Variants in PHF23 observed in about 807,000 individuals in gnomAD.
The protein encoded by PHF23 is PHD finger protein 23, also known as PDH-containing protein JUNE-1.
PHF23 carries 3 observed loss-of-function variants against 36.0 expected under a neutral mutation model. The observed-to-expected ratio is 0.08, with a 90% CI of 0.04 to 0.22. PHF23 has a LOEUF of 0.22. Among genes scored for constraint, PHF23 ranks in the 10% least tolerant of loss-of-function variants. PHF23 has a pLI of 1.00. For missense variants in PHF23, 475 were observed against 513.6 expected (o/e 0.92, Z 0.73); for synonymous variants, 242 against 192.5 (o/e 1.26, Z -2.13).
upstream of PHF23, chr17:7,239,558 C>T (rs551729415): frequency 6.5e-5 from 23 of 355,928 alleles, no homozygotes; most frequent in Admixed American, 2.3e-4. Context: ...CTCCCTCCTC[C>T]CCCCGCCGGC....
chr17:7,237,254 C>T (rs1029581241), intron 3 of PHF23, 131 bp downstream of exon 3: 1 of 852,820 alleles, frequency 1.2e-6, no homozygotes, highest in East Asian at 2.4e-5. Context: ...CCCTAAGAGT[C>T]TCCAACTTCC....
At chr17:7,237,800 ATCCGCCCCGGCTCCCCCT>A (rs1418791401) in intron 1 of PHF23, 140 bp from the exon 2 acceptor site, 7 of 985,532 alleles carry the variant, frequency 7.1e-6, no homozygotes, top group Non-Finnish European at 7.6e-6. Flanking sequence ...GCTGTGTTGG[ATCCGCCCCGGCTCCCCCT>A]TCCGCCCCGC....
intron 1 of PHF23, chr17:7,238,356 C>T: frequency 6.3e-6 from 1 of 157,882 alleles, no homozygotes. Flanking sequence ...GGGGCTTTGG[C>T]CCCTCCCCGT....
Position 7,236,575 on chromosome 17 carries a change from G to T in PHF23, c.352C>A (p.Arg118Ser), listed in dbSNP as rs767213271. 6.2e-7 allele frequency: 1 copy of T among 1,614,200 alleles called. No homozygotes were observed. Residue 118 changes from arginine (R) to serine (S), a missense_variant, in exon 4 of 5, where the codon CGT becomes AGT. Around this residue, in one of 5 missense-constraint regions of PHF23, gnomAD observed 350 missense variants for 319.8 expected, o/e 1.09. Transcript: ENST00000320316. The surrounding 1 kb of genome is among the most constrained non-coding windows in gnomAD (Gnocchi z 5.1). ...GTAGCACTGTCGGGGGCCTGCAGAC[G>T]AGAGAAAGTGGACCTTGGGGGTCCT... ...QPGPPRSTFS[R>S]LQAPDSATLL...
rs369484977 is a variant in PHF23, at chr17:7,237,524, G to C, written c.67-47C>G. Reference sequence around the variant, plus strand: ...TCACATGCAAAGCCACACAGTTTAAGAATGGCATTCCCAGAAACACAGTCC... The same window carrying C: ...TCACATGCAAAGCCACACAGTTTAACAATGGCATTCCCAGAAACACAGTCC... On this transcript the variant is annotated intron_variant, in intron 2 of 4. Coordinates refer to ENST00000320316, the MANE Select transcript of PHF23 (RefSeq NM_024297.3). 7.5e-6 allele frequency: 12 copies of C among 1,607,300 alleles called. No homozygotes were observed. The South Asian group carries it at 1.1e-4, about 15-fold the overall frequency.
chr17:7,237,538 G>A (rs778255941), intron 2 of PHF23, 61 bp from the exon 3 acceptor site: 1 of 1,593,626 alleles, frequency 6.3e-7, no homozygotes, highest in African/African-American at 1.3e-5. Flanking sequence ...GGCATTCCCA[G>A]AAACACAGTC....
chr17:7,238,046 T>G, intron 1 of PHF23: 3 of 196,380 alleles, frequency 1.5e-5, no homozygotes, highest in Non-Finnish European at 2.9e-5. Flanking sequence ...GAGCCCCGAG[T>G]TCCTACCCGG....
chr17:7,237,300 A>G, intron 3 of PHF23, 85 bp downstream of exon 3: 2 of 1,196,180 alleles, frequency 1.7e-6, no homozygotes, highest in East Asian at 2.3e-5. Context: ...GCCTCCTTCT[A>G]TAAAGCAATA....
Position 7,236,810 on chromosome 17 carries a change from C to A in PHF23, c.160-43G>T. On this transcript the variant is annotated intron_variant, in intron 3 of 4. Coordinates refer to ENST00000320316, the MANE Select transcript of PHF23 (RefSeq NM_024297.3). The surrounding 1 kb of genome is among the most constrained non-coding windows in gnomAD (Gnocchi z 5.1). ...ACCAGGGTCAGCAGAACCCCAGTGT[C>A]ATCTCAGCCCCTCCACAAACCCAGC... The A allele has an allele frequency of 1.3e-6, 2 of 1,554,174 alleles. No homozygotes were observed. Among genetic ancestry groups the A allele is most frequent in the South Asian group, 1.2e-5 (1 of 82,062 alleles).
intron 1 of PHF23, 173 bp downstream of exon 1, chr17:7,239,073 A>G (rs1453240149): frequency 7.6e-6 from 9 of 1,178,318 alleles, no homozygotes; most frequent in African/African-American, 1.6e-5. Flanking sequence ...CCAGTTTCCC[A>G]CTCCTCTTTC....
intron 2 of PHF23, 50 bp downstream of exon 2, chr17:7,237,579 G>C (rs1390704135): frequency 6.2e-7 from 1 of 1,611,490 alleles, no homozygotes; most frequent in Non-Finnish European, 8.5e-7. Flanking sequence ...GGGGGGCGGG[G>C]GGCGTTGTCA....
At position 7,235,475 on chromosome 17, in the gene PHF23, G is replaced by A; in HGVS notation, c.*151C>T. On this transcript the variant is annotated 3_prime_UTR_variant, in exon 5 of 5. Coordinates refer to ENST00000320316, the MANE Select transcript of PHF23 (RefSeq NM_024297.3). ...TGGGGAGGAAGGATAGGGTGGGAAA[G>A]TGAGACACTCATTTTCAAACAAGTC... 2 of 784,612 alleles carry A rather than the reference G, an allele frequency of 2.5e-6. No homozygotes were observed. Among genetic ancestry groups the A allele is most frequent in the African/African-American group, 1.7e-5 (1 of 57,884 alleles). 48.6% of individuals were successfully genotyped at this position (784,612 alleles called of 1,614,324 possible).
chr17:7,236,144 CTCTTCTTCT>C lies in PHF23; in HGVS notation c.774_782del (p.Glu259_Glu261del), dbSNP rs759574171. The C allele has an allele frequency of 3.7e-6, 6 of 1,610,288 alleles. No individual in the cohort carries two copies. The South Asian group carries it at 6.6e-5, about 18-fold the overall frequency. The stretch of plus-strand genomic sequence containing the variant: ...CTTCACCCCCTACCACTGTTGCCAT[CTCTTCTTCT>C]TCTTCCTCTTCCTCCTCTTCCTCCT... On this transcript the variant is annotated inframe_deletion, in exon 4 of 5. Transcript: ENST00000320316. This position sits in a 1 kb window ranked among gnomAD's most constrained non-coding sequence, Gnocchi z 5.1.
intron 1 of PHF23, 170 bp from the exon 2 acceptor site, chr17:7,237,830 A>C (rs1484636412): frequency 5.4e-6 from 4 of 740,738 alleles, no homozygotes; most frequent in Non-Finnish European, 8.7e-6. Flanking sequence ...CCGCCCCGCG[A>C]GGGGCGGAGC....
At chr17:7,238,524 C>G in intron 1 of PHF23, 1 of 1,049,294 alleles carries the variant, frequency 9.5e-7, no homozygotes, top group Non-Finnish European at 1.2e-6. Context: ...CTCTCTCTCT[C>G]TCCACAGCAG....
Position 7,235,566 on chromosome 17 carries a change from C to T in PHF23, c.*60G>A, listed in dbSNP as rs2071639752. On this transcript the variant is annotated 3_prime_UTR_variant, in exon 5 of 5. Transcript: ENST00000320316. ...AGCTCCAGGGGATAGGCTGAGGACC[C>T]TGAGGCTCAGTTCCCAAATCATGTT... is the stretch of plus-strand genomic sequence containing the variant. 14 of 1,564,740 alleles carry T rather than the reference C, an allele frequency of 8.9e-6. No individual in the cohort carries two copies. In the Admixed American group the frequency reaches 2.2e-4, roughly 24 times the overall value.
chr17:7,240,593 C>T (rs1597569626), upstream of PHF23: 1 of 427,206 alleles, frequency 2.3e-6, no homozygotes, highest in Non-Finnish European at 4.2e-6. Context: ...GGATGTGACA[C>T]AGACTGACAA....
upstream of PHF23, chr17:7,239,808 T>G (rs1267709824): frequency 1.3e-5 from 2 of 152,480 alleles, no homozygotes; most frequent in Non-Finnish European, 2.9e-5. Context: ...GAAGAAGGGA[T>G]TAGAACTCTC....
Position 7,237,378 on chromosome 17 carries a change from C to A in PHF23, c.159+7G>T. The stretch of plus-strand genomic sequence containing the variant: ...CAGCCTCAAGTCAGTAATTCTCTTG[C>A]CCCTACCTCTTTGCTAGGGGGAATG... On this transcript the variant is annotated splice_region_variant and intron_variant, in intron 3 of 4. Transcript: ENST00000320316. The A allele has an allele frequency of 6.2e-7, 1 of 1,608,452 alleles. No individual in the cohort carries two copies.
Sources: allele counts gnomAD v4.1 joint callset, GRCh38; gene constraint gnomAD v4.1.1; regional missense constraint gnomAD v4.1.1; non-coding constraint Gnocchi (gnomAD v3.1); transcripts MANE v1.5; gene names NCBI Gene and HGNC (gene_info 2026-07-23, HGNC 2026-07-21).